Variants in CTNND2 observed in about 807,000 individuals in gnomAD.
CTNND2 encodes catenin delta 2.
CTNND2 carries 22 observed loss-of-function variants against 144.4 expected under a neutral mutation model. The observed-to-expected ratio is 0.15, with a 90% CI of 0.11 to 0.22. The LOEUF is 0.22. Ranked by LOEUF, CTNND2 falls within the 10% of genes least tolerant of loss-of-function variation. CTNND2 has a pLI of 1.00. For missense variants in CTNND2, 1,353 were observed against 1,618.8 expected (o/e 0.84, Z 2.82); for synonymous variants, 751 against 695.6 (o/e 1.08, Z -1.25).
Position 11,815,258 on chromosome 5 carries a change from T to C in CTNND2, c.38-82986A>G, listed in dbSNP as rs548638958. On this transcript the variant is annotated intron_variant, in intron 1 of 21. Transcript: ENST00000304623. ...AAGTTTCTGTACCAATGAATTAGAA[T>C]TAACATTAAATGTTAATTAAAATTA... 1.7e-3 allele frequency among the ~76,000 whole-genome samples: 261 copies of C among 152,302 alleles called. 1 individual carries two copies. The highest frequency in any genetic ancestry group is 4.1e-3 in the South Asian group (20 of 4,828).
At chr5:11,141,697 G>A (rs748679543) in intron 12 of CTNND2, among the ~76,000 whole-genome samples, 1 of 152,208 alleles carries the variant, frequency 6.6e-6, no homozygotes. Context: ...GCACTCAGGA[G>A]CCCAGGTTGG....
chr5:11,844,482 G>C (rs1489795096), intron 1 of CTNND2, among the ~76,000 whole-genome samples: 1 of 151,982 alleles, frequency 6.6e-6, no homozygotes, highest in African/African-American at 2.4e-5. Context: ...CAGATTTGTA[G>C]ATTCCCATTA....
chr5:11,775,441 G>T (rs1790199621), intron 1 of CTNND2, among the ~76,000 whole-genome samples: 1 of 152,200 alleles, frequency 6.6e-6, no homozygotes, highest in African/African-American at 2.4e-5. Flanking sequence ...GCACAGGAAG[G>T]TTCCGTAAGC....
In CTNND2 at chr5:10,990,258, T is replaced by C. The variant is rs61751693; in HGVS notation, c.3212-2016A>G. On this transcript the variant is annotated intron_variant, in intron 19 of 21. Transcript: ENST00000304623. ...AAGGCTGGGACTTGGGCCATCTCTGTCCCGAATGTGAATCTGGGGAGATGT... is the reference window on the plus strand; with the variant it reads ...AAGGCTGGGACTTGGGCCATCTCTGCCCCGAATGTGAATCTGGGGAGATGT... Among the ~76,000 whole-genome samples, 16 of 152,310 alleles carry C rather than the reference T, an allele frequency of 1.1e-4. No homozygotes were observed. In the East Asian group the frequency reaches 3.1e-3, roughly 29 times the overall value.
At chr5:11,126,941 T>C (rs1380340830) in intron 12 of CTNND2, among the ~76,000 whole-genome samples, 1 of 152,216 alleles carries the variant, frequency 6.6e-6, no homozygotes, top group Non-Finnish European at 1.5e-5. Context: ...TAAAAATGCG[T>C]ACTTTTAGAT....
intron 2 of CTNND2, among the ~76,000 whole-genome samples, chr5:11,573,058 A>G (rs1416630188): frequency 6.6e-6 from 1 of 152,132 alleles, no homozygotes; most frequent in Non-Finnish European, 1.5e-5. Flanking sequence ...TCTGGGTTAG[A>G]CTGCTTGTTA....
intron 6 of CTNND2, among the ~76,000 whole-genome samples, chr5:11,389,865 CTT>C (rs1759476775): frequency 6.6e-6 from 1 of 152,126 alleles, no homozygotes; most frequent in Non-Finnish European, 1.5e-5. Context: ...TGTACATAAA[CTT>C]TGTTTCATGT....
chr5:11,287,454 T>C (rs1326614174), intron 9 of CTNND2, among the ~76,000 whole-genome samples: 11 of 152,198 alleles, frequency 7.2e-5, no homozygotes, highest in Non-Finnish European at 1.5e-5. Flanking sequence ...AATCTCTCTC[T>C]TTTTATATAG....
chr5:11,735,700 G>A (rs1249870283), intron 1 of CTNND2, among the ~76,000 whole-genome samples: 1 of 152,134 alleles, frequency 6.6e-6, no homozygotes, highest in Admixed American at 6.5e-5. Context: ...GTTTTAGGAA[G>A]GGCAGTTCCC....
At chr5:11,298,837 G>A (rs1749278177) in intron 9 of CTNND2, among the ~76,000 whole-genome samples, 1 of 152,200 alleles carries the variant, frequency 6.6e-6, no homozygotes, top group Non-Finnish European at 1.5e-5. Flanking sequence ...AGTTTCCTTA[G>A]ATACAAAATG....
intron 18 of CTNND2, among the ~76,000 whole-genome samples, chr5:11,005,522 C>T (rs1740398091): frequency 6.6e-6 from 1 of 151,982 alleles, no homozygotes; most frequent in Non-Finnish European, 1.5e-5. Flanking sequence ...GGATGGGAGA[C>T]ATAGTTGGGT....
chr5:11,007,052 G>A (rs2149519596), intron 18 of CTNND2, among the ~76,000 whole-genome samples: 1 of 152,340 alleles, frequency 6.6e-6, no homozygotes, highest in East Asian at 1.9e-4. Flanking sequence ...GCATGCCACT[G>A]TGTAACTGGG....
intron 9 of CTNND2, among the ~76,000 whole-genome samples, chr5:11,307,804 T>A (rs573852907): frequency 1.1e-3 from 162 of 152,318 alleles, no homozygotes; most frequent in African/African-American, 3.8e-3. Context: ...TAATTATTGA[T>A]TGTTATGGGC....
intron 3 of CTNND2, among the ~76,000 whole-genome samples, chr5:11,423,564 A>C (rs1581163779): frequency 6.6e-6 from 1 of 152,288 alleles, no homozygotes; most frequent in East Asian, 1.9e-4. Flanking sequence ...CTCTGAGAAA[A>C]TGGAGGGGGT....
chr5:11,818,420 G>C (rs982213176), intron 1 of CTNND2, among the ~76,000 whole-genome samples: 2 of 151,594 alleles, frequency 1.3e-5, no homozygotes, highest in Admixed American at 6.6e-5. Flanking sequence ...CCAAGCAGGA[G>C]TGCAGCGATG....
At chr5:11,859,713 C>A (rs1178299343) in intron 1 of CTNND2, among the ~76,000 whole-genome samples, 2 of 152,120 alleles carry the variant, frequency 1.3e-5, no homozygotes, top group South Asian at 2.1e-4. Flanking sequence ...CAACATTAGC[C>A]TTTGTCTCAA....
intron 9 of CTNND2, among the ~76,000 whole-genome samples, chr5:11,252,804 C>T (rs987518238): frequency 3.3e-5 from 5 of 152,170 alleles, no homozygotes; most frequent in Admixed American, 2.6e-4. Flanking sequence ...GCAAGTTGGG[C>T]ACCAAAATGA....
At chr5:11,529,259 AAAC>A (rs527573485) in intron 3 of CTNND2, among the ~76,000 whole-genome samples, 5 of 152,210 alleles carry the variant, frequency 3.3e-5, no homozygotes, top group Admixed American at 6.5e-5. Context: ...AAACAAAACA[AAAC>A]AACAACAACA....
At chr5:11,404,976 G>T (rs562574338) in intron 5 of CTNND2, among the ~76,000 whole-genome samples, 2 of 152,282 alleles carry the variant, frequency 1.3e-5, no homozygotes, top group African/African-American at 4.8e-5. Flanking sequence ...TACTGAGAGA[G>T]TCCTCTCCTT....
Sources: gnomAD v4.1 joint callset for allele counts (sites outside exome capture counted in the v4.1 genomes callset) on GRCh38, gnomAD v4.1.1 for gene constraint, MANE v1.5 for transcripts, NCBI Gene and HGNC (gene_info 2026-07-23, HGNC 2026-07-21) for gene names.